CD7: variants seen among roughly 807,000 people sequenced by gnomAD.
The protein encoded by CD7 is CD7 molecule, also known as T-cell antigen CD7.
A neutral mutation model predicts 17.6 loss-of-function variants in CD7; 19 were observed. The ratio of observed to expected loss-of-function variants is 1.08; its 90% CI spans 0.75 to 1.58. The LOEUF is 1.58. CD7 is among the 40% of genes most tolerant of loss of function. The probability of loss-of-function intolerance (pLI) is 0.00; values close to 1 mark genes in which losing one functional copy is unlikely to be tolerated. For synonymous variants in CD7, 160 were observed against 159.8 expected, an observed-to-expected ratio of 1.00 and a Z score of -0.01; for missense variants, 291 against 327.1, an observed-to-expected ratio of 0.89 and a Z score of 0.85.
chr17:82,315,937 C>A (rs566104233), intron 3 of CD7: 2 of 617,622 alleles, frequency 3.2e-6, no homozygotes, highest in African/African-American at 3.9e-5. Flanking sequence ...AGAGATCCCC[C>A]CTCAGACACT....
Position 82,316,666 on chromosome 17 carries a change from C to T in CD7, c.397+1G>A, listed in dbSNP as rs779055628. On this transcript the variant is annotated splice_donor_variant, in intron 2 of 3. Transcript: ENST00000312648. LOFTEE classifies it high-confidence loss of function. ...GGGTCTGGGATGGGCACATTCCCTA[C>T]CTGTCACCAGGACCAGGGTGCCGGA... The T allele has an allele frequency of 6.2e-7, 1 of 1,609,706 alleles. No homozygotes were observed. Among genetic ancestry groups the T allele is most frequent in the African/African-American group, 1.3e-5 (1 of 74,884 alleles).
chr17:82,316,592 G>C (rs772462077), intron 2 of CD7, 75 bp downstream of exon 2: 1 of 1,497,936 alleles, frequency 6.7e-7, no homozygotes, highest in Non-Finnish European at 9.2e-7. Flanking sequence ...AGGGTCCCAC[G>C]ACAAGGGCTG....
rs376654108 is a variant in CD7 at position 82,316,375 on chromosome 17, G to A, written c.432C>T (p.Asp144=). 46 of 1,592,256 alleles carry A rather than the reference G, an allele frequency of 2.9e-5. No homozygotes were observed. Among genetic ancestry groups the A allele is most frequent in the South Asian group, 1.1e-4 (10 of 88,398 alleles). The change falls in exon 3 of 4, where the codon GAC becomes GAT. Residue 144 remains aspartate (D), a synonymous_variant. Coordinates refer to ENST00000312648, the MANE Select transcript of CD7 (RefSeq NM_006137.7). Reference sequence around the variant, plus strand: ...GGAGGGCAGAGGCCCTTGGTGGGGCGTCCGAGCATCTGTGCCATCCTTGGG... The same window carrying A: ...GGAGGGCAGAGGCCCTTGGTGGGGCATCCGAGCATCTGTGCCATCCTTGGG... ...EQSQGWHRCS[D]APPRASALPA...
chr17:82,316,623 C>G (rs1351283963), intron 2 of CD7, 44 bp downstream of exon 2: 2 of 1,577,278 alleles, frequency 1.3e-6, no homozygotes, highest in Non-Finnish European at 1.7e-6. Flanking sequence ...GCCTGGCCAG[C>G]AGCTGGGGTT....
intron 1 of CD7, 177 bp downstream of exon 1, chr17:82,317,237 C>G: frequency 1.4e-6 from 1 of 711,218 alleles, no homozygotes; most frequent in South Asian, 1.9e-5. Flanking sequence ...GCCCCGGCCA[C>G]TCCCCACCGG....
At position 82,316,769 on chromosome 17, in the gene CD7, T is replaced by C; in HGVS notation, c.295A>G (p.Ile99Val). 2 of 1,613,810 alleles carry C rather than the reference T, an allele frequency of 1.2e-6. No individual in the cohort carries two copies. The highest frequency in any genetic ancestry group is 1.7e-6 in the Non-Finnish European group (2 of 1,179,948). The change falls in exon 2 of 4, where the codon ATC becomes GTC. Residue 99 changes from isoleucine to valine, a missense_variant. Ile to Val is a conservative substitution (Grantham distance 29). Transcript: ENST00000312648. The part of the protein sequence containing the change: ...DFSGSQDNLT[I>V]TMHRLQLSDT... ...GACAGCTGCAGGCGGTGCATGGTGA[T>C]AGTCAGGTTGTCCTGGGACCCTGAG...
In CD7 at chr17:82,316,674, C is replaced by T. The variant is rs758509684; in HGVS notation, c.390G>A (p.Leu130=). ...VNVYGSGTLV[L]VTEEQSQGWH... is the part of the protein sequence containing the mutation. ...GATGGGCACATTCCCTACCTGTCAC[C>T]AGGACCAGGGTGCCGGAGCCGTAGA... The change falls in exon 2 of 4, where the codon CTG becomes CTA. Residue 130 remains leucine, a synonymous_variant. Transcript: ENST00000312648. 1 of 1,611,062 alleles carries T rather than the reference C, an allele frequency of 6.2e-7. No individual in the cohort carries two copies. The highest frequency in any genetic ancestry group is 8.5e-7 in the Non-Finnish European group (1 of 1,179,956).
rs776599949 is a variant in CD7, at chr17:82,316,331, G to A, written c.476C>T (p.Ser159Phe). 1.3e-5 allele frequency: 20 copies of A among 1,583,226 alleles called. No individual in the cohort carries two copies. In the East Asian group the frequency reaches 3.9e-4, roughly 31 times the overall value. ...ASALPAPPTG[S>F]ALPDPQTASA... ...GGCTGTCTGCGGGTCAGGGAGGGCG[G>A]AGCCTGTCGGTGGGGCAGGGAGGGC... Residue 159 changes from serine (S) to phenylalanine (F), a missense_variant, in exon 3 of 4, where the codon TCC becomes TTC. By Grantham distance (155) the Ser-to-Phe change is radical. Transcript: ENST00000312648.
In CD7 at chr17:82,315,262, T is replaced by G. The variant is rs1599646195; in HGVS notation, c.*59A>C. ...GAGGGGTGTGGCAGGGTGGGGGGCA[T>G]GGTGGGGCAGGGAAGGTGCTGGGGG... On this transcript the variant is annotated 3_prime_UTR_variant, in exon 4 of 4. Transcript: ENST00000312648. 5 of 759,470 alleles carry G rather than the reference T, an allele frequency of 6.6e-6. No homozygotes were observed. Among genetic ancestry groups the G allele is most frequent in the Non-Finnish European group, 9.3e-6 (5 of 536,446 alleles). 47.0% of individuals were successfully genotyped at this position (759,470 alleles called of 1,614,324 possible). A position where few individuals can be genotyped will look rare whatever the true frequency, so the allele number is the denominator to read the frequency against.
In CD7 at chr17:82,316,729, T is replaced by C; in HGVS notation, c.335A>G (p.Tyr112Cys). 6.2e-7 allele frequency: 1 copy of C among 1,613,630 alleles called. No homozygotes were observed. Among genetic ancestry groups the C allele is most frequent in the Non-Finnish European group, 8.5e-7 (1 of 1,179,966 alleles). Residue 112 changes from tyrosine to cysteine, a missense_variant, in exon 2 of 4, where the codon TAC (tyrosine) becomes TGC (cysteine). Transcript: ENST00000312648. ...GACCTCCGTGATGGCCTGGCAGGTG[T>C]AGGTGCCAGTGTCCGACAGCTGCAG... Reference protein sequence around the residue: ...HRLQLSDTGTYTCQAITEVNV... With the variant: ...HRLQLSDTGTCTCQAITEVNV...
At chr17:82,316,101 A>T (rs1256175650) in intron 3 of CD7, 94 bp downstream of exon 3, 2 of 1,297,928 alleles carry the variant, frequency 1.5e-6, no homozygotes, top group African/African-American at 2.9e-5. Context: ...GGCGGGTACC[A>T]GGGTTTTCCT....
intron 3 of CD7, 50 bp downstream of exon 3, chr17:82,316,145 G>A (rs2052011495): frequency 1.3e-6 from 2 of 1,525,842 alleles, no homozygotes; most frequent in Non-Finnish European, 1.8e-6. Context: ...CTGCTCTCAG[G>A]AGAGGGAACA....
In CD7 at chr17:82,315,388, C is replaced by G. The variant is rs1309691897; in HGVS notation, c.656G>C (p.Cys219Ser). Residue 219 changes from cysteine (C) to serine (S), a missense_variant, in exon 4 of 4, where the codon TGT (cysteine) becomes TCT (serine). Transcript: ENST00000312648. ...GTGCGACATGTCCTCGTACACCACA[C>G]ATGCCGCCGAATTCTTATCCCGCCA... ...CSWRDKNSAACVVYEDMSHSR... is the reference protein window; with the variant it reads ...CSWRDKNSAASVVYEDMSHSR... 1 of 1,613,606 alleles carries G rather than the reference C, an allele frequency of 6.2e-7. No individual in the cohort carries two copies. Among genetic ancestry groups the G allele is most frequent in the South Asian group, 1.1e-5 (1 of 91,082 alleles).
At chr17:82,316,151 G>T in intron 3 of CD7, 44 bp downstream of exon 3, 1 of 1,534,310 alleles carries the variant, frequency 6.5e-7, no homozygotes, top group Non-Finnish European at 8.8e-7. Flanking sequence ...TCAGGAGAGG[G>T]AACAATCTTT....
At position 82,317,398 on chromosome 17, in the gene CD7, C is replaced by T; in HGVS notation, c.82+16G>A. 6.5e-7 allele frequency: 1 copy of T among 1,549,054 alleles called. No individual in the cohort carries two copies. The highest frequency in any genetic ancestry group is 1.2e-5 in the South Asian group (1 of 84,220). On this transcript the variant is annotated intron_variant, in intron 1 of 3. Transcript: ENST00000312648. ...GCTCTGGAGCTGTGGCCATGGAGAGCCTGGGAAGCTCTTACCTTGGGCAGC... is the reference window on the plus strand; with the variant it reads ...GCTCTGGAGCTGTGGCCATGGAGAGTCTGGGAAGCTCTTACCTTGGGCAGC...
chr17:82,316,816 C>A lies in CD7; in HGVS notation c.248G>T (p.Arg83Leu), dbSNP rs762941902. 3 of 1,613,868 alleles carry A rather than the reference C, an allele frequency of 1.9e-6. No homozygotes were observed. Among genetic ancestry groups the A allele is most frequent in the Non-Finnish European group, 1.7e-6 (2 of 1,180,006 alleles). ...TGAGAAGTCGATGCGGCCCCGGAAC[C>A]GTCTGTCCGTAGTGGGCACCACCCC... is the stretch of plus-strand genomic sequence containing the variant. The part of the protein sequence containing the change: ...EDGVVPTTDR[R>L]FRGRIDFSGS... The change falls in exon 2 of 4, where the codon CGG becomes CTG. Residue 83 changes from arginine to leucine, a missense_variant. Coordinates refer to ENST00000312648, the MANE Select transcript of CD7 (RefSeq NM_006137.7).
intron 2 of CD7, 65 bp downstream of exon 2, chr17:82,316,602 G>C: frequency 6.6e-7 from 1 of 1,524,208 alleles, no homozygotes; most frequent in Non-Finnish European, 9.0e-7. Context: ...GACAAGGGCT[G>C]GGGGAGCAGA....
rs1365035988 is a variant in CD7, at chr17:82,316,880, G to A, written c.184C>T (p.Leu62Phe). ...GGLRGIYLRQ[L>F]GPQPQDIIYY... is the part of the protein sequence containing the mutation. ...ATGATGTCTTGGGGCTGTGGCCCGAGCTGCCTCAGGTAGATCCCACGCAGG... is the reference window on the plus strand; with the variant it reads ...ATGATGTCTTGGGGCTGTGGCCCGAACTGCCTCAGGTAGATCCCACGCAGG... The change falls in exon 2 of 4, where the codon CTC becomes TTC. Residue 62 changes from leucine (L) to phenylalanine (F), a missense_variant. Leu to Phe is a conservative substitution (Grantham distance 22, BLOSUM62 0). Transcript: ENST00000312648. 10 of 1,613,320 alleles carry A rather than the reference G, an allele frequency of 6.2e-6. No homozygotes were observed. The highest frequency in any genetic ancestry group is 8.5e-6 in the Non-Finnish European group (10 of 1,179,982).
chr17:82,315,898 G>A (rs776009629), intron 3 of CD7: 30 of 599,614 alleles, frequency 5.0e-5, no homozygotes, highest in Admixed American at 4.9e-4. Context: ...TCCTCTGCCC[G>A]CACACTCCAA....
Sources: allele counts gnomAD v4.1 joint callset, GRCh38; gene constraint gnomAD v4.1.1; transcripts MANE v1.5; gene names NCBI Gene and HGNC (gene_info 2026-07-23, HGNC 2026-07-21).